The following PRKN variants were observed in gnomAD, a reference collection of about 807,000 sequenced individuals.
PRKN encodes the protein parkin RBR E3 ubiquitin protein ligase.
A neutral mutation model predicts 59.5 loss-of-function variants in PRKN; 56 were observed. That is an observed-to-expected ratio of 0.94 (90% CI 0.76 to 1.18). The LOEUF (loss-of-function observed/expected upper bound fraction) is 1.18. Among genes scored for constraint, PRKN ranks in the 50% most tolerant of loss-of-function variants. PRKN has a pLI of 0.00. For missense variants in PRKN, 657 were observed against 596.4 expected (o/e 1.10, Z -1.06); for synonymous variants, 250 against 222.1 (o/e 1.13, Z -1.12).
At chr6:162,131,658 A>C (rs1427563669) in intron 4 of PRKN, among the ~76,000 whole-genome samples, 1 of 152,224 alleles carries the variant, frequency 6.6e-6, no homozygotes, top group Admixed American at 6.5e-5. Flanking sequence ...TGATTATTTT[A>C]ATTTTAAAAA....
chr6:161,795,035 C>T, intron 6 of PRKN, among the ~76,000 whole-genome samples: 1 of 151,446 alleles, frequency 6.6e-6, no homozygotes, highest in Non-Finnish European at 1.5e-5. Context: ...CAGGCACCCA[C>T]CACCACACCC....
At chr6:161,453,433 A>G (rs948460542) in intron 9 of PRKN, among the ~76,000 whole-genome samples, 1 of 152,144 alleles carries the variant, frequency 6.6e-6, no homozygotes, top group Non-Finnish European at 1.5e-5. Flanking sequence ...TTAACCAAAC[A>G]TTACTCTGGG....
rs143178141 is a variant in PRKN, at chr6:162,402,569, G to A, written c.171+40741C>T. ...AAGTTAAAATATGTGTGTCCACTCA[G>A]CCTCCTTTAACTAAAGCACTATACA... On this transcript the variant is annotated intron_variant, in intron 2 of 11. Coordinates refer to ENST00000366898, the MANE Select transcript of PRKN (RefSeq NM_004562.3). Among the ~76,000 whole-genome samples, 231 of 151,916 alleles carry A rather than the reference G, an allele frequency of 1.5e-3. 1 individual carries two copies. Among genetic ancestry groups the A allele is most frequent in the East Asian group, 0.015 (77 of 5,170 alleles).
At chr6:161,783,529 T>C (rs1790295189) in intron 7 of PRKN, 1 of 448,062 alleles carries the variant, frequency 2.2e-6, no homozygotes, top group South Asian at 1.7e-5. Context: ...CTTACTTTTG[T>C]ATGTTTGAAA....
At chr6:161,896,761 G>A (rs766541563) in intron 6 of PRKN, among the ~76,000 whole-genome samples, 1 of 151,918 alleles carries the variant, frequency 6.6e-6, no homozygotes, top group Non-Finnish European at 1.5e-5. Flanking sequence ...GTGGTTCCAG[G>A]TTCATTTCCT....
chr6:161,703,827 C>G (rs915173031), intron 7 of PRKN, among the ~76,000 whole-genome samples: 1 of 134,290 alleles, frequency 7.4e-6, no homozygotes, highest in Non-Finnish European at 1.5e-5. Flanking sequence ...ACATCTCTCT[C>G]TCTCTCTCTC....
rs1462441309 is a variant in PRKN, at chr6:161,440,841, T to C, written c.1084-53964A>G. Reference sequence around the variant, plus strand: ...GTTCTTTATTTGTCTTCGAGAATATTAAAGACCAGCATCTCTCCAGAATAC... The same window carrying C: ...GTTCTTTATTTGTCTTCGAGAATATCAAAGACCAGCATCTCTCCAGAATAC... On this transcript the variant is annotated intron_variant, in intron 9 of 11. Coordinates refer to ENST00000366898, the MANE Select transcript of PRKN (RefSeq NM_004562.3). The surrounding 1 kb of genome is among the most constrained non-coding windows in gnomAD (Gnocchi z 4.1). Among the ~76,000 whole-genome samples, 2 of 152,148 alleles carry C rather than the reference T, an allele frequency of 1.3e-5. No homozygotes were observed. The highest frequency in any genetic ancestry group is 4.8e-5 in the African/African-American group (2 of 41,442).
At chr6:162,265,924 T>C (rs530160852) in intron 2 of PRKN, among the ~76,000 whole-genome samples, 31 of 152,202 alleles carry the variant, frequency 2.0e-4, no homozygotes, top group Non-Finnish European at 3.5e-4. Flanking sequence ...CAGTCCTCTA[T>C]TTTCCATTCT....
intron 5 of PRKN, among the ~76,000 whole-genome samples, chr6:161,976,832 CG>C: frequency 6.6e-6 from 1 of 152,288 alleles, no homozygotes; most frequent in South Asian, 2.1e-4. Context: ...AAAGCACTTA[CG>C]TTTTTTCTTA....
intron 1 of PRKN, among the ~76,000 whole-genome samples, chr6:162,469,546 G>T (rs1036943217): frequency 6.6e-6 from 1 of 151,510 alleles, no homozygotes; most frequent in Non-Finnish European, 1.5e-5. Context: ...ATACTACTCA[G>T]CCATTAAAAG....
Position 162,522,038 on chromosome 6 carries a change from C to G in PRKN, c.8-78565G>C, listed in dbSNP as rs190187196. Reference sequence around the variant, plus strand: ...TTTTATTCGATGTCCCCAGTTAATGCTTATTATCCTCAACCTGATAGTTTT... The same window carrying G: ...TTTTATTCGATGTCCCCAGTTAATGGTTATTATCCTCAACCTGATAGTTTT... On this transcript the variant is annotated intron_variant, in intron 1 of 11. Transcript: ENST00000366898. 5.2e-4 allele frequency among the ~76,000 whole-genome samples: 79 copies of G among 152,278 alleles called. 1 individual carries two copies. The highest frequency in any genetic ancestry group is 9.9e-4 in the Non-Finnish European group (67 of 68,010).
At chr6:162,042,128 T>A (rs1242039618) in intron 5 of PRKN, among the ~76,000 whole-genome samples, 1 of 152,002 alleles carries the variant, frequency 6.6e-6, no homozygotes, top group African/African-American at 2.4e-5. Flanking sequence ...TTTGCTTTTA[T>A]TTGAATGAAA....
At chr6:162,710,883 T>C (rs1441569508) in intron 1 of PRKN, among the ~76,000 whole-genome samples, 1 of 152,242 alleles carries the variant, frequency 6.6e-6, no homozygotes, top group Middle Eastern at 3.2e-3. Flanking sequence ...CTAAGAGGCC[T>C]TCCTGGTCAA....
intron 3 of PRKN, among the ~76,000 whole-genome samples, chr6:162,218,227 T>G (rs112762529): frequency 0.031 from 4,652 of 152,256 alleles, 256 homozygotes; most frequent in African/African-American, 0.11. Context: ...GAAGCCCCTC[T>G]GGGGAAGGAC....
At chr6:162,283,478 T>C (rs964245730) in intron 2 of PRKN, among the ~76,000 whole-genome samples, 5 of 152,104 alleles carry the variant, frequency 3.3e-5, no homozygotes, top group Non-Finnish European at 5.9e-5. Flanking sequence ...ATTAAGGAAA[T>C]GGTATGAGTT....
intron 6 of PRKN, among the ~76,000 whole-genome samples, chr6:161,792,498 T>C (rs1790677774): frequency 6.6e-6 from 1 of 152,200 alleles, no homozygotes; most frequent in Admixed American, 6.5e-5. Flanking sequence ...AAAGCAAAGT[T>C]ATTACATATG....
At position 162,056,315 on chromosome 6, in the gene PRKN, A is replaced by ACG. The variant is rs1437210026; in HGVS notation, c.535-2143_535-2142dup. 6.6e-6 allele frequency among the ~76,000 whole-genome samples: 1 copy of ACG among 151,822 alleles called. No homozygotes were observed. The highest frequency in any genetic ancestry group is 1.5e-5 in the Non-Finnish European group (1 of 67,928). On this transcript the variant is annotated intron_variant, in intron 4 of 11. Transcript: ENST00000366898. The surrounding 1 kb of genome is among the most constrained non-coding windows in gnomAD (Gnocchi z 4.9). ...ACATGCATAAACACACCACGCACAC[A>ACG]CGCACACACACACAATACCACACAG... is the stretch of plus-strand genomic sequence containing the variant.
At chr6:162,015,881 G>T (rs1357413253) in intron 5 of PRKN, among the ~76,000 whole-genome samples, 2 of 152,134 alleles carry the variant, frequency 1.3e-5, no homozygotes, top group African/African-American at 4.8e-5. Context: ...TCGCAGGGTA[G>T]GATATTCTTA....
intron 4 of PRKN, among the ~76,000 whole-genome samples, chr6:162,140,210 T>C (rs891936980): frequency 6.6e-6 from 1 of 152,218 alleles, no homozygotes; most frequent in Non-Finnish European, 1.5e-5. Flanking sequence ...TCCCTTTTAG[T>C]TTCCTGTTTA....
Sources: gnomAD v4.1 joint callset for allele counts (sites outside exome capture counted in the v4.1 genomes callset) on GRCh38, gnomAD v4.1.1 for gene constraint, Gnocchi (gnomAD v3.1) non-coding constraint, MANE v1.5 for transcripts, NCBI Gene and HGNC (gene_info 2026-07-23, HGNC 2026-07-21) for gene names.